DENND6A: variants seen among roughly 807,000 people sequenced by gnomAD.
DENND6A encodes DENN domain containing 6A.
DENND6A carries 43 observed loss-of-function variants against 95.5 expected under a neutral mutation model. The ratio of observed to expected loss-of-function variants is 0.45; its 90% CI spans 0.35 to 0.58. The LOEUF is 0.58. Among genes scored for constraint, DENND6A ranks in the 20% least tolerant of loss-of-function variants. The pLI is 0.00. For synonymous variants in DENND6A, 257 were observed against 260.4 expected, an observed-to-expected ratio of 0.99 and a Z score of 0.13; for missense variants, 574 against 736.0, an observed-to-expected ratio of 0.78 and a Z score of 2.55.
intron 12 of DENND6A, among the ~76,000 whole-genome samples, chr3:57,636,662 C>T (rs775781195): frequency 1.2e-4 from 18 of 152,104 alleles, no homozygotes; most frequent in African/African-American, 3.6e-4. Flanking sequence ...GTTGGCCGGG[C>T]GTGGTGGCTC....
chr3:57,659,673 T>C (rs1280897110), intron 7 of DENND6A, among the ~76,000 whole-genome samples: 3 of 152,216 alleles, frequency 2.0e-5, no homozygotes, highest in African/African-American at 7.2e-5. Flanking sequence ...AAATAAGTCC[T>C]ACTCGACAGT....
intron 9 of DENND6A, among the ~76,000 whole-genome samples, chr3:57,657,175 T>C (rs1387503997): frequency 2.0e-5 from 3 of 152,238 alleles, no homozygotes; most frequent in Admixed American, 6.5e-5. Context: ...ATTTCTTTTC[T>C]AAGTGCTAAC....
Position 57,646,225 on chromosome 3 carries a change from G to A in DENND6A, c.941+91C>T, listed in dbSNP as rs898644951. ...TGCAATAATGGGTGGGGAAAAATAC[G>A]ACAGGTGGGAAGTGCTGCAAATATC... is the stretch of plus-strand genomic sequence containing the variant. On this transcript the variant is annotated intron_variant, in intron 10 of 19. Transcript: ENST00000311128. The A allele has an allele frequency of 1.3e-5, 19 of 1,492,872 alleles. No individual in the cohort carries two copies. The Middle Eastern group carries it at 5.4e-4, about 42-fold the overall frequency. The allele number at this position is 1,492,872 out of a possible 1,614,324, so 92.5% of individuals were successfully genotyped here.
chr3:57,655,826 A>G (rs2071313833), intron 9 of DENND6A, among the ~76,000 whole-genome samples: 1 of 152,196 alleles, frequency 6.6e-6, no homozygotes, highest in Non-Finnish European at 1.5e-5. Flanking sequence ...CACAAAAGCT[A>G]AGATAATCAG....
chr3:57,666,953 T>C (rs147640057), intron 3 of DENND6A, among the ~76,000 whole-genome samples: 298 of 152,368 alleles, frequency 2.0e-3, no homozygotes, highest in African/African-American at 6.8e-3. Flanking sequence ...AGCTTTCTGA[T>C]GATTCACTGA....
intron 9 of DENND6A, among the ~76,000 whole-genome samples, chr3:57,656,319 T>C (rs1191923099): frequency 2.0e-5 from 3 of 152,252 alleles, no homozygotes; most frequent in African/African-American, 7.2e-5. Flanking sequence ...ATAATGCTTT[T>C]GGAAGTCTTT....
chr3:57,662,185 C>CTTTTTTTTTTT (rs60063768), intron 5 of DENND6A, among the ~76,000 whole-genome samples: 23 of 79,132 alleles, frequency 2.9e-4, no homozygotes, highest in Admixed American at 4.1e-4. Flanking sequence ...TTTCTTTTTT[C>CTTTTTTTTTTT]TTTTTTTTTT....
Position 57,641,286 on chromosome 3 carries a change from AAAT to A in DENND6A, c.1132+364_1132+366del, listed in dbSNP as rs2070927328. ...CAATGTTATATTAAAATATATATTT[AAAT>A]ATTATATATTTAAATATATATTTAT... On this transcript the variant is annotated intron_variant, in intron 12 of 19. Transcript: ENST00000311128. Among the ~76,000 whole-genome samples, 4 of 143,918 alleles carry A rather than the reference AAAT, an allele frequency of 2.8e-5. No individual in the cohort carries two copies. In the South Asian group the frequency reaches 8.4e-4, roughly 30 times the overall value. 94.4% of individuals were successfully genotyped at this position (143,918 alleles called of 152,430 possible).
chr3:57,676,019 G>A (rs2153416724), intron 1 of DENND6A, among the ~76,000 whole-genome samples: 1 of 151,954 alleles, frequency 6.6e-6, no homozygotes. Flanking sequence ...GCTGCAGCGA[G>A]CCAAGATCAT....
intron 10 of DENND6A, 51 bp downstream of exon 10, chr3:57,646,265 T>C (rs752916215): frequency 1.9e-6 from 3 of 1,579,972 alleles, no homozygotes; most frequent in Non-Finnish European, 1.7e-6. Context: ...ACAGGTTAAG[T>C]ACTGCAGCAT....
chr3:57,678,451 A>T (rs1417442032), intron 1 of DENND6A, among the ~76,000 whole-genome samples: 1 of 152,178 alleles, frequency 6.6e-6, no homozygotes, highest in Non-Finnish European at 1.5e-5. Context: ...TTTTCCAGGC[A>T]ATTGGGGAGA....
At chr3:57,670,045 GA>G (rs1004320856) in intron 3 of DENND6A, among the ~76,000 whole-genome samples, 28 of 139,138 alleles carry the variant, frequency 2.0e-4, no homozygotes, top group South Asian at 6.9e-4. Context: ...AAAGAAAAAA[GA>G]AAAAAAAAAT....
chr3:57,627,947 T>C lies in DENND6A; in HGVS notation c.*267A>G. 1 of 301,994 alleles carries C rather than the reference T, an allele frequency of 3.3e-6. No homozygotes were observed. Among genetic ancestry groups the C allele is most frequent in the South Asian group, 7.1e-5 (1 of 14,022 alleles). 18.7% of individuals were successfully genotyped at this position (301,994 alleles called of 1,614,324 possible). On this transcript the variant is annotated 3_prime_UTR_variant, in exon 20 of 20. Coordinates refer to ENST00000311128, the MANE Select transcript of DENND6A (RefSeq NM_152678.3). Reference sequence around the variant, plus strand: ...CTAATACTGATGGCCCACAAGTCTCTCATAAGAGCACTTTAGAACATGATT... The same window carrying C: ...CTAATACTGATGGCCCACAAGTCTCCCATAAGAGCACTTTAGAACATGATT...
At position 57,626,302 on chromosome 3, in the gene DENND6A, G is replaced by A. The variant is rs897836771; in HGVS notation, c.*1912C>T. ...AGAGTTATATCGACAGAGAACAAAA[G>A]ATAGCTTCTGAAGCCATATCCTTTA... On this transcript the variant is annotated 3_prime_UTR_variant, in exon 20 of 20. Coordinates refer to ENST00000311128, the MANE Select transcript of DENND6A (RefSeq NM_152678.3). The A allele has an allele frequency of 1.3e-5, 2 of 152,504 alleles. No homozygotes were observed. Among genetic ancestry groups the A allele is most frequent in the African/African-American group, 4.8e-5 (2 of 41,432 alleles). The allele number at this position is 152,504 out of a possible 1,614,324, so 9.4% of individuals were successfully genotyped here.
At chr3:57,663,608 T>TG (rs1559822153) in intron 5 of DENND6A, 28 bp downstream of exon 5, 1 of 1,473,728 alleles carries the variant, frequency 6.8e-7, no homozygotes. Flanking sequence ...TAAAAAATAC[T>TG]TTTTTTATTA....
chr3:57,633,661 G>A (rs2070732957), intron 14 of DENND6A, among the ~76,000 whole-genome samples: 1 of 152,130 alleles, frequency 6.6e-6, no homozygotes, highest in African/African-American at 2.4e-5. Flanking sequence ...AGGTGAGGTG[G>A]GTGGATTACC....
intron 1 of DENND6A, among the ~76,000 whole-genome samples, chr3:57,673,213 C>CAAAAAAAAAAA (rs386396751): frequency 7.1e-5 from 5 of 70,588 alleles, no homozygotes; most frequent in Non-Finnish European, 9.6e-5. Flanking sequence ...CATTTCGTAT[C>CAAAAAAAAAAA]AAAAAAAAAA....
At chr3:57,681,267 C>T (rs528353200) in intron 1 of DENND6A, among the ~76,000 whole-genome samples, 1 of 152,056 alleles carries the variant, frequency 6.6e-6, no homozygotes, top group Non-Finnish European at 1.5e-5. Context: ...AGATCGACAC[C>T]ATCCTGGCTA....
At chr3:57,688,961 T>C (rs1385860532) in intron 1 of DENND6A, among the ~76,000 whole-genome samples, 1 of 152,164 alleles carries the variant, frequency 6.6e-6, no homozygotes, top group Non-Finnish European at 1.5e-5. Flanking sequence ...CTAGTGTTTA[T>C]AATTTTTCTT....
Sources: allele counts gnomAD v4.1 joint callset (sites outside exome capture counted in the v4.1 genomes callset), GRCh38; gene constraint gnomAD v4.1.1; transcripts MANE v1.5; gene names NCBI Gene and HGNC (gene_info 2026-07-23, HGNC 2026-07-21).